KHDRBS2: variants seen among roughly 807,000 people sequenced by gnomAD.
The protein encoded by KHDRBS2 is KH domain-containing, RNA-binding, signal transduction-associated protein 2.
KHDRBS2 carries 26 observed loss-of-function variants against 44.3 expected under a neutral mutation model. The observed-to-expected ratio is 0.59, with a 90% CI of 0.43 to 0.81. KHDRBS2 has a LOEUF of 0.81. Among genes scored for constraint, KHDRBS2 ranks in the 40% least tolerant of loss-of-function variants. KHDRBS2 has a pLI of 0.00. For synonymous variants in KHDRBS2, 194 were observed against 151.1 expected, an observed-to-expected ratio of 1.28 and a Z score of -2.08; for missense variants, 476 against 433.1, an observed-to-expected ratio of 1.10 and a Z score of -0.88.
chr6:62,071,889 T>G (rs1410754969), intron 2 of KHDRBS2, among the ~76,000 whole-genome samples: 1 of 152,166 alleles, frequency 6.6e-6, no homozygotes, highest in Non-Finnish European at 1.5e-5. Context: ...AAGTCATTGG[T>G]AGCTTGATGG....
intron 1 of KHDRBS2, among the ~76,000 whole-genome samples, chr6:62,263,381 T>C (rs753628878): frequency 3.3e-5 from 5 of 151,700 alleles, no homozygotes; most frequent in Non-Finnish European, 7.4e-5. Context: ...ATTACTTCAG[T>C]TATCAACTAC....
intron 2 of KHDRBS2, among the ~76,000 whole-genome samples, chr6:62,122,342 TA>T (rs1420268352): frequency 6.6e-6 from 1 of 152,156 alleles, no homozygotes; most frequent in African/African-American, 2.4e-5. Flanking sequence ...CGGGCTTTGA[TA>T]GAAACTGAAT....
At chr6:61,674,007 G>A in the KHDRBS2 span, among the ~76,000 whole-genome samples, 14 of 151,764 alleles carry the variant, frequency 9.2e-5, no homozygotes, top group South Asian at 6.2e-4. Context: ...TTAAAGCAGA[G>A]TTTTGATCTA....
the KHDRBS2 span, among the ~76,000 whole-genome samples, chr6:61,639,560 A>G: frequency 6.6e-5 from 10 of 151,888 alleles, no homozygotes; most frequent in Non-Finnish European, 1.2e-4. Flanking sequence ...CATCTTCCAA[A>G]CCATACTTCT....
intron 2 of KHDRBS2, among the ~76,000 whole-genome samples, chr6:62,166,509 T>C (rs1472019666): frequency 6.6e-6 from 1 of 152,082 alleles, no homozygotes; most frequent in African/African-American, 2.4e-5. Flanking sequence ...TTTCTCTACA[T>C]GGATCCAAAT....
At chr6:62,038,135 T>C (rs572827271) in intron 3 of KHDRBS2, among the ~76,000 whole-genome samples, 1 of 152,070 alleles carries the variant, frequency 6.6e-6, no homozygotes, top group South Asian at 2.1e-4. Context: ...AACACTGTCC[T>C]GCTGCAAAAA....
chr6:62,005,342 C>A (rs534283331), intron 3 of KHDRBS2, among the ~76,000 whole-genome samples: 3 of 151,796 alleles, frequency 2.0e-5, no homozygotes. Context: ...TTGTTGTTTG[C>A]TATTTCTATT....
At chr6:62,056,911 C>T (rs928353422) in intron 2 of KHDRBS2, among the ~76,000 whole-genome samples, 1 of 151,976 alleles carries the variant, frequency 6.6e-6, no homozygotes, top group Non-Finnish European at 1.5e-5. Context: ...TTTCCCAACA[C>T]TTCTATTTCA....
At chr6:61,807,518 G>A (rs1345692399) in intron 6 of KHDRBS2, among the ~76,000 whole-genome samples, 1 of 152,028 alleles carries the variant, frequency 6.6e-6, no homozygotes, top group African/African-American at 2.4e-5. Flanking sequence ...GTCCTTTGCG[G>A]CAACATAGAT....
At chr6:61,809,302 A>G (rs1743456) in intron 6 of KHDRBS2, among the ~76,000 whole-genome samples, 42,949 of 152,036 alleles carry the variant, frequency 0.28, 6,271 homozygotes, top group South Asian at 0.36. Context: ...GGCAATGGCA[A>G]TAGAAGAAAA....
At chr6:61,912,479 C>G (rs772499067) in intron 4 of KHDRBS2, among the ~76,000 whole-genome samples, 5 of 152,116 alleles carry the variant, frequency 3.3e-5, no homozygotes, top group Non-Finnish European at 7.4e-5. Flanking sequence ...ATTTGCCTGT[C>G]TTTGAGGTGA....
chr6:62,256,367 C>A (rs955542913), intron 1 of KHDRBS2, among the ~76,000 whole-genome samples: 1 of 151,876 alleles, frequency 6.6e-6, no homozygotes, highest in African/African-American at 2.4e-5. Context: ...ACAATTCCCA[C>A]GTGTTGTTGT....
At chr6:61,721,964 A>G in intron 7 of KHDRBS2, among the ~76,000 whole-genome samples, 1 of 148,112 alleles carries the variant, frequency 6.8e-6, no homozygotes, top group Non-Finnish European at 1.5e-5. Flanking sequence ...TCAATACCTA[A>G]TTTATTGAGA....
chr6:61,570,069 C>A, the KHDRBS2 span, among the ~76,000 whole-genome samples: 1 of 151,630 alleles, frequency 6.6e-6, no homozygotes, highest in African/African-American at 2.4e-5. Context: ...GGTTCCAAAC[C>A]AAGAAGAAAT....
chr6:61,926,570 A>G (rs566265913), intron 4 of KHDRBS2, among the ~76,000 whole-genome samples: 1 of 152,260 alleles, frequency 6.6e-6, no homozygotes, highest in African/African-American at 2.4e-5. Flanking sequence ...GCAGGTGTTC[A>G]AGTCCAAATC....
intron 4 of KHDRBS2, among the ~76,000 whole-genome samples, chr6:61,930,371 CAATG>C (rs1583563835): frequency 6.6e-6 from 1 of 151,666 alleles, no homozygotes; most frequent in African/African-American, 2.4e-5. Context: ...TTTGTAAAGA[CAATG>C]AAACAGAAGT....
At chr6:62,083,087 C>T (rs909172427) in intron 2 of KHDRBS2, among the ~76,000 whole-genome samples, 1 of 152,136 alleles carries the variant, frequency 6.6e-6, no homozygotes, top group East Asian at 1.9e-4. Flanking sequence ...TTCCTGTTTT[C>T]CCACCCAAAT....
chr6:62,124,445 A>G (rs1654757832), intron 2 of KHDRBS2, among the ~76,000 whole-genome samples: 1 of 152,318 alleles, frequency 6.6e-6, no homozygotes. Flanking sequence ...TCACAAAAAC[A>G]TGCAGAGATT....
chr6:61,946,632 A>G (rs1375668009), intron 4 of KHDRBS2, among the ~76,000 whole-genome samples: 4 of 152,164 alleles, frequency 2.6e-5, no homozygotes, highest in Non-Finnish European at 4.4e-5. Flanking sequence ...GCTAGAGAGG[A>G]TAAGCCATCC....
Sources: allele counts gnomAD v4.1 joint callset (sites outside exome capture counted in the v4.1 genomes callset), GRCh38; gene constraint gnomAD v4.1.1; transcripts MANE v1.5; gene names NCBI Gene and HGNC (gene_info 2026-07-23, HGNC 2026-07-21).